The following GPHN variants were observed in gnomAD, a reference collection of about 807,000 sequenced individuals.
GPHN encodes the protein gephyrin.
Under a neutral mutation model 95.5 loss-of-function variants are expected in GPHN, and 17 were observed. The ratio of observed to expected loss-of-function variants is 0.18; its 90% confidence interval spans 0.12 to 0.27. GPHN has a LOEUF of 0.27. GPHN is among the 10% of genes least tolerant of loss of function. GPHN has a pLI of 1.00. For missense variants in GPHN, 660 were observed against 978.1 expected (o/e 0.67, Z 4.34); for synonymous variants, 320 against 322.5 (o/e 0.99, Z 0.08).
the GPHN span, among the ~76,000 whole-genome samples, chr14:67,548,773 G>A: frequency 2.0e-4 from 30 of 152,302 alleles, no homozygotes; most frequent in African/African-American, 5.8e-4. Context: ...CTGAAGCAGC[G>A]TTTACCAAGT....
At chr14:66,879,120 C>T (rs969239125) in intron 4 of GPHN, among the ~76,000 whole-genome samples, 1 of 152,028 alleles carries the variant, frequency 6.6e-6, no homozygotes, top group African/African-American at 2.4e-5. Flanking sequence ...GAAAACCAAA[C>T]ACTACATGTT....
chr14:67,342,301 G>A, the GPHN span, among the ~76,000 whole-genome samples: 1,826 of 151,748 alleles, frequency 0.012, 19 homozygotes, highest in Non-Finnish European at 0.018. Context: ...AAACATGGTG[G>A]TGTATACCCT....
the GPHN span, among the ~76,000 whole-genome samples, chr14:67,274,534 A>G: frequency 0.12 from 17,496 of 152,038 alleles, 1,659 homozygotes; most frequent in African/African-American, 0.26. Context: ...ACCTTGTAGT[A>G]TAGTTTGAAG....
the GPHN span, among the ~76,000 whole-genome samples, chr14:67,700,538 A>AC: frequency 2.0e-5 from 3 of 151,394 alleles, no homozygotes; most frequent in African/African-American, 7.3e-5. Flanking sequence ...ACACGATGAA[A>AC]CCCCGTCTCT....
chr14:67,218,937 G>A, the GPHN span, among the ~76,000 whole-genome samples: 1 of 151,998 alleles, frequency 6.6e-6, no homozygotes, highest in Non-Finnish European at 1.5e-5. Context: ...CCTGGCCCAG[G>A]TTCTGCACAG....
At chr14:66,674,538 A>G (rs1003609928) in intron 1 of GPHN, among the ~76,000 whole-genome samples, 1 of 152,174 alleles carries the variant, frequency 6.6e-6, no homozygotes. Context: ...TTTAATGGAT[A>G]CTACATATGC....
the GPHN span, among the ~76,000 whole-genome samples, chr14:67,387,882 G>A: frequency 5.9e-5 from 9 of 152,122 alleles, no homozygotes; most frequent in African/African-American, 2.2e-4. Flanking sequence ...TACTATGGCT[G>A]GCTATTGTGA....
At chr14:67,238,269 CTTT>C in the GPHN span, among the ~76,000 whole-genome samples, 8 of 125,230 alleles carry the variant, frequency 6.4e-5, no homozygotes, top group African/African-American at 1.9e-4. Flanking sequence ...TTCTTGCTTT[CTTT>C]TTTTTTTTTT....
the GPHN span, among the ~76,000 whole-genome samples, chr14:67,300,767 T>C: frequency 2.0e-5 from 3 of 152,290 alleles, no homozygotes; most frequent in South Asian, 6.2e-4. Context: ...CTGTGGGAAA[T>C]TTAATGTAAT....
At chr14:67,516,933 G>A in the GPHN span, among the ~76,000 whole-genome samples, 1 of 152,190 alleles carries the variant, frequency 6.6e-6, no homozygotes, top group African/African-American at 2.4e-5. Flanking sequence ...TTCCTTTTCT[G>A]TAATTTGGAG....
At position 66,524,127 on chromosome 14, in the gene GPHN, G is replaced by A. The variant is rs143616832; in HGVS notation, c.64+15536G>A. On this transcript the variant is annotated intron_variant, in intron 1 of 22. Transcript: ENST00000478722. ...GAGAAAATTCACATACATATATGTG[G>A]GTACTATGGTTATGGAATACTAAGT... Among the ~76,000 whole-genome samples, 30 of 152,108 alleles carry A rather than the reference G, an allele frequency of 2.0e-4. No individual in the cohort carries two copies. In the East Asian group the frequency reaches 5.6e-3, roughly 28 times the overall value.
At chr14:66,922,437 C>G (rs888599782) in intron 6 of GPHN, among the ~76,000 whole-genome samples, 2 of 152,086 alleles carry the variant, frequency 1.3e-5, no homozygotes, top group African/African-American at 4.8e-5. Context: ...TTTAATGTTT[C>G]ATATGACCAA....
chr14:66,986,736 A>G (rs886902221), intron 9 of GPHN, among the ~76,000 whole-genome samples: 6 of 152,164 alleles, frequency 3.9e-5, no homozygotes, highest in Non-Finnish European at 7.4e-5. Flanking sequence ...GTGCACTGGG[A>G]TGTCCTAAAA....
the GPHN span, among the ~76,000 whole-genome samples, chr14:67,226,763 C>A: frequency 4.6e-5 from 7 of 152,206 alleles, no homozygotes; most frequent in Admixed American, 4.6e-4. Context: ...AATGTCCACA[C>A]TCCATAATTC....
At chr14:67,512,356 C>T in the GPHN span, among the ~76,000 whole-genome samples, 1 of 152,212 alleles carries the variant, frequency 6.6e-6, no homozygotes. Flanking sequence ...CCAATAGAGG[C>T]TGAAATTCCT....
chr14:67,193,058 CTATATCTA>C, the GPHN span, among the ~76,000 whole-genome samples: 3 of 143,946 alleles, frequency 2.1e-5, no homozygotes, highest in East Asian at 2.1e-4. Flanking sequence ...AGATATATCT[CTATATCTA>C]TATATATCCA....
At chr14:67,536,983 T>C in the GPHN span, among the ~76,000 whole-genome samples, 1 of 136,586 alleles carries the variant, frequency 7.3e-6, no homozygotes, top group Non-Finnish European at 1.6e-5. Flanking sequence ...GAGGTTGCAG[T>C]GAGCCGAGAT....
At chr14:67,627,279 A>ATG in the GPHN span, among the ~76,000 whole-genome samples, 4 of 146,520 alleles carry the variant, frequency 2.7e-5, no homozygotes, top group South Asian at 2.1e-4. Flanking sequence ...ATATATATAT[A>ATG]TATCTGAAAC....
At chr14:67,662,783 A>C in the GPHN span, among the ~76,000 whole-genome samples, 4 of 151,978 alleles carry the variant, frequency 2.6e-5, no homozygotes, top group African/African-American at 9.7e-5. Context: ...AGGCACCTGT[A>C]ATCTCAGCTA....
Sources: allele counts gnomAD v4.1 joint callset (sites outside exome capture counted in the v4.1 genomes callset), GRCh38; gene constraint gnomAD v4.1.1; transcripts MANE v1.5; gene names NCBI Gene and HGNC (gene_info 2026-07-23, HGNC 2026-07-21).